The following PAICS variants were observed in gnomAD, a reference collection of about 807,000 sequenced individuals.
The protein encoded by PAICS is bifunctional phosphoribosylaminoimidazole carboxylase/phosphoribosylaminoimidazole succinocarboxamide synthetase.
A neutral mutation model predicts 53.7 loss-of-function variants in PAICS; 33 were observed. That is an observed-to-expected ratio of 0.61 (90% CI 0.47 to 0.82). PAICS has a LOEUF of 0.82. Among genes scored for constraint, PAICS ranks in the 40% least tolerant of loss-of-function variants. The pLI is 0.00. For missense variants in PAICS, 394 were observed against 494.1 expected, an observed-to-expected ratio of 0.80 and a Z score of 1.92; for synonymous variants, 141 against 167.2, an observed-to-expected ratio of 0.84 and a Z score of 1.21.
the PAICS span, among the ~76,000 whole-genome samples, chr4:56,418,067 G>A: frequency 1.3e-5 from 2 of 152,072 alleles, no homozygotes; most frequent in Non-Finnish European, 2.9e-5. Context: ...TTGATCTCCT[G>A]ACCTCGTGAT....
At chr4:56,437,077 G>A (rs1440558127) in intron 1 of PAICS, among the ~76,000 whole-genome samples, 1 of 151,544 alleles carries the variant, frequency 6.6e-6, no homozygotes, top group African/African-American at 2.4e-5. Flanking sequence ...GTGTGTGCAC[G>A]CGCGCGTGAA....
chr4:56,430,311 A>G, the PAICS span, among the ~76,000 whole-genome samples: 1 of 152,132 alleles, frequency 6.6e-6, no homozygotes, highest in Admixed American at 6.6e-5. Flanking sequence ...CACTTTACAT[A>G]TATTAACATA....
chr4:56,444,549 G>A (rs1351593890), intron 2 of PAICS, among the ~76,000 whole-genome samples: 1 of 152,188 alleles, frequency 6.6e-6, no homozygotes, highest in Admixed American at 6.5e-5. Context: ...GTAATCCAGA[G>A]TGTGTCAGTG....
At chr4:56,436,032 G>A, upstream of PAICS, 1 of 1,523,222 alleles carries the variant, frequency 6.6e-7, no homozygotes, top group Admixed American at 1.9e-5. Flanking sequence ...CTTTTCGCCT[G>A]TCCGGGCACT....
In PAICS at chr4:56,453,572, T is replaced by C. The variant is rs560815065; in HGVS notation, c.953-31T>C. 42 of 1,496,112 alleles carry C rather than the reference T, an allele frequency of 2.8e-5. 1 individual carries two copies. The South Asian group carries it at 4.9e-4, about 17-fold the overall frequency. 92.7% of individuals were successfully genotyped at this position (1,496,112 alleles called of 1,614,324 possible). A position where few individuals can be genotyped will look rare whatever the true frequency, so the allele number is the denominator to read the frequency against. On this transcript the variant is annotated intron_variant, in intron 7 of 8. Coordinates refer to ENST00000512576, the MANE Select transcript of PAICS (RefSeq NM_001079524.2). Reference sequence around the variant, plus strand: ...TGTCTTTAAATCTGTTTTGAATGTTTAGCATAATTATACTCTTGTCATTTC... The same window carrying C: ...TGTCTTTAAATCTGTTTTGAATGTTCAGCATAATTATACTCTTGTCATTTC...
chr4:56,436,153 C>T (rs1360299713), upstream of PAICS: 13 of 1,491,428 alleles, frequency 8.7e-6, no homozygotes, highest in African/African-American at 2.8e-5. Context: ...CCGCCCATAC[C>T]CCTCCGGGTT....
upstream of PAICS, chr4:56,435,738 T>C (rs920587378): frequency 8.1e-6 from 12 of 1,484,138 alleles, no homozygotes; most frequent in African/African-American, 4.1e-5. Flanking sequence ...TCACGGATGC[T>C]GTAGGGTGGA....
chr4:56,425,716 A>G, the PAICS span, among the ~76,000 whole-genome samples: 1 of 152,172 alleles, frequency 6.6e-6, no homozygotes, highest in Non-Finnish European at 1.5e-5. Context: ...AGTCACCGAA[A>G]AAGACCGACC....
chr4:56,424,792 C>A, the PAICS span, among the ~76,000 whole-genome samples: 325 of 152,300 alleles, frequency 2.1e-3, 10 homozygotes, highest in South Asian at 0.038. Context: ...TGACTTAATT[C>A]CGCTCCAATA....
intron 2 of PAICS, among the ~76,000 whole-genome samples, chr4:56,443,531 C>T (rs1462187377): frequency 6.6e-6 from 1 of 152,162 alleles, no homozygotes; most frequent in Non-Finnish European, 1.5e-5. Flanking sequence ...TTAACTCTCC[C>T]CATTCACTTA....
At chr4:56,431,970 T>C (rs181424797), upstream of PAICS, among the ~76,000 whole-genome samples, 2 of 152,310 alleles carry the variant, frequency 1.3e-5, no homozygotes, top group Admixed American at 6.5e-5. Flanking sequence ...AAAGCAGAGC[T>C]ACGGAATAAA....
At position 56,451,897 on chromosome 4, in the gene PAICS, G is replaced by A. The variant is rs1445287745; in HGVS notation, c.797G>A (p.Cys266Tyr). The A allele has an allele frequency of 1.9e-6, 3 of 1,599,206 alleles. No homozygotes were observed. Among genetic ancestry groups the A allele is most frequent in the Non-Finnish European group, 2.6e-6 (3 of 1,174,096 alleles). ...VELLLKSESQ[C>Y]RVVVLMGSTS... is the part of the protein sequence containing the mutation. ...TTGCTTTTGAAATCAGAAAGTCAGT[G>A]CAGGGTTGTAGTGTTGATGGGCTCT... is the stretch of plus-strand genomic sequence containing the variant. The change falls in exon 7 of 9, where the codon TGC becomes TAC. Residue 266 changes from cysteine to tyrosine, a missense_variant. Around this residue, in one of 3 missense-constraint regions of PAICS, gnomAD observed 131 missense variants for 205.5 expected, o/e 0.64. Coordinates refer to ENST00000512576, the MANE Select transcript of PAICS (RefSeq NM_001079524.2).
the PAICS span, chr4:56,421,741 A>C: frequency 6.6e-6 from 1 of 152,220 alleles, no homozygotes; most frequent in African/African-American, 2.4e-5. Flanking sequence ...CATCTCCCCC[A>C]GTTAGATGAC....
the PAICS span, chr4:56,411,043 C>A: frequency 3.5e-6 from 2 of 563,670 alleles, no homozygotes; most frequent in Non-Finnish European, 4.5e-6. Flanking sequence ...GAAAAATAAC[C>A]AATTTATTAT....
rs1005800636 is a variant in PAICS at position 56,463,744 on chromosome 4, C to T, written c.*4206C>T. On this transcript the variant is annotated 3_prime_UTR_variant, in exon 9 of 9. Transcript: ENST00000512576. ...TACATGGAAGCTTCTCAGGCTAAAT[C>T]CATTAATATAAAAATACATTGTGGA... is the stretch of plus-strand genomic sequence containing the variant. The T allele has an allele frequency of 6.6e-6, 1 of 151,056 alleles. No individual in the cohort carries two copies. The highest frequency in any genetic ancestry group is 1.5e-5 in the Non-Finnish European group (1 of 67,878). The allele number at this position is 151,056 out of a possible 1,614,324, so 9.4% of individuals were successfully genotyped here.
chr4:56,453,376 C>T (rs1289977442), intron 7 of PAICS, among the ~76,000 whole-genome samples: 1 of 151,988 alleles, frequency 6.6e-6, no homozygotes, highest in Non-Finnish European at 1.5e-5. Context: ...CAAAAACAAC[C>T]AAACCGATTC....
chr4:56,452,571 G>GA (rs1560663496), intron 7 of PAICS, among the ~76,000 whole-genome samples: 1 of 152,154 alleles, frequency 6.6e-6, no homozygotes, highest in Non-Finnish European at 1.5e-5. Context: ...ATGCAAGTAT[G>GA]AAAAGAAAAC....
intron 2 of PAICS, among the ~76,000 whole-genome samples, chr4:56,443,998 A>G (rs1718464383): frequency 6.6e-6 from 1 of 152,188 alleles, no homozygotes; most frequent in African/African-American, 2.4e-5. Flanking sequence ...ATTTCTAAAC[A>G]GACTAGTTTT....
At chr4:56,438,324 G>A (rs1718127184) in intron 1 of PAICS, among the ~76,000 whole-genome samples, 1 of 139,724 alleles carries the variant, frequency 7.2e-6, no homozygotes, top group East Asian at 2.1e-4. Context: ...TCTTCTATAA[G>A]CCACATTTTA....
Sources: gnomAD v4.1 joint callset for allele counts (sites outside exome capture counted in the v4.1 genomes callset) on GRCh38, gnomAD v4.1.1 for gene constraint, gnomAD v4.1.1 regional missense constraint, MANE v1.5 for transcripts, NCBI Gene and HGNC (gene_info 2026-07-23, HGNC 2026-07-21) for gene names.